Variants in TTLL5 observed in about 807,000 individuals in gnomAD.
TTLL5 encodes tubulin tyrosine ligase like 5, also known as tubulin polyglutamylase TTLL5.
Under a neutral mutation model 168.4 loss-of-function variants are expected in TTLL5, and 132 were observed. That is an observed-to-expected ratio of 0.78 (90% CI 0.68 to 0.91). TTLL5 has a LOEUF of 0.91. Among genes scored for constraint, TTLL5 ranks in the 40% least tolerant of loss-of-function variants. The pLI is 0.00. For missense variants in TTLL5, 1,545 were observed against 1,581.5 expected (o/e 0.98, Z 0.39); for synonymous variants, 546 against 558.6 (o/e 0.98, Z 0.32).
At chr14:75,914,052 A>ATATATATATATATATATATATTTATT (rs1304496430) in intron 31 of TTLL5, among the ~76,000 whole-genome samples, 1 of 122,400 alleles carries the variant, frequency 8.2e-6, no homozygotes, top group South Asian at 2.7e-4. Flanking sequence ...ATATATATAT[A>ATATATATATATATATATATATTTATT]TATTTTATCC....
intron 3 of TTLL5, among the ~76,000 whole-genome samples, chr14:75,675,934 A>T (rs749848447): frequency 1.3e-5 from 2 of 152,100 alleles, no homozygotes; most frequent in Non-Finnish European, 2.9e-5. Flanking sequence ...CAAGTTGGAG[A>T]CCCTGGGAAG....
intron 29 of TTLL5, among the ~76,000 whole-genome samples, chr14:75,872,949 T>G (rs1258081227): frequency 6.6e-6 from 1 of 151,914 alleles, no homozygotes; most frequent in African/African-American, 2.4e-5. Context: ...GTTGCTCTTA[T>G]AATTGTGTAT....
chr14:75,733,492 C>T (rs1435514873), intron 13 of TTLL5, among the ~76,000 whole-genome samples: 1 of 151,786 alleles, frequency 6.6e-6, no homozygotes, highest in Non-Finnish European at 1.5e-5. Flanking sequence ...TGCAAGCCTG[C>T]AAGCCTAAGA....
At chr14:75,800,205 A>G (rs1247796916) in intron 27 of TTLL5, among the ~76,000 whole-genome samples, 4 of 152,172 alleles carry the variant, frequency 2.6e-5, no homozygotes, top group African/African-American at 9.7e-5. Context: ...GGGTTAATCA[A>G]AAGCCTTGTC....
At chr14:75,899,996 G>A (rs1289324593) in intron 30 of TTLL5, among the ~76,000 whole-genome samples, 2 of 148,156 alleles carry the variant, frequency 1.3e-5, no homozygotes, top group Non-Finnish European at 3.0e-5. Flanking sequence ...CCAGCCCAGG[G>A]CTTTGCTCCA....
intron 28 of TTLL5, among the ~76,000 whole-genome samples, chr14:75,840,636 G>A (rs1896175395): frequency 6.6e-6 from 1 of 152,138 alleles, no homozygotes; most frequent in African/African-American, 2.4e-5. Flanking sequence ...TCAAAGGCTG[G>A]TTCCCACAAT....
chr14:75,862,938 C>G (rs1387682343), intron 28 of TTLL5, among the ~76,000 whole-genome samples: 1 of 152,060 alleles, frequency 6.6e-6, no homozygotes, highest in Non-Finnish European at 1.5e-5. Flanking sequence ...CAGATTGAGA[C>G]CCTGTCTCTA....
At chr14:75,886,731 T>C in intron 30 of TTLL5, 1 of 1,598,028 alleles carries the variant, frequency 6.3e-7, no homozygotes, top group Non-Finnish European at 8.5e-7. Context: ...TCAAAACTAT[T>C]TGTGGTATTT....
At chr14:75,783,005 A>G in intron 25 of TTLL5, 142 bp from the exon 26 acceptor site, 1 of 961,722 alleles carries the variant, frequency 1.0e-6, no homozygotes. Context: ...TATGATGAAC[A>G]CTCATTAAAG....
intron 28 of TTLL5, among the ~76,000 whole-genome samples, chr14:75,836,677 AC>A (rs1895885622): frequency 6.6e-6 from 1 of 152,178 alleles, no homozygotes; most frequent in Non-Finnish European, 1.5e-5. Flanking sequence ...ATAAGTATAT[AC>A]ACCTGCTATG....
intron 31 of TTLL5, among the ~76,000 whole-genome samples, chr14:75,928,893 A>G (rs2034176334): frequency 6.6e-6 from 1 of 152,174 alleles, no homozygotes; most frequent in African/African-American, 2.4e-5. Context: ...GGATTGTGAT[A>G]TGAAGTATTT....
At position 75,820,071 on chromosome 14, in the gene TTLL5, T is replaced by A; in HGVS notation, c.3236T>A (p.Leu1079His). 6.2e-7 allele frequency: 1 copy of A among 1,609,886 alleles called. No homozygotes were observed. The highest frequency in any genetic ancestry group is 8.5e-7 in the Non-Finnish European group (1 of 1,178,310). ...NRSSASAPPT[L>H]RPIISPSGPT... ...AGCAGTGCTTCAGCTCCCCCAACCC[T>A]CCGACCCATCATCAGTCCTAGTGGC... is the stretch of plus-strand genomic sequence containing the variant. Residue 1079 changes from leucine (L) to histidine (H), a missense_variant, in exon 28 of 32, where the codon CTC becomes CAC. Leu to His is a moderately conservative substitution (Grantham distance 99, BLOSUM62 -3). Coordinates refer to ENST00000298832, the MANE Select transcript of TTLL5 (RefSeq NM_015072.5).
intron 31 of TTLL5, chr14:75,902,467 G>C: frequency 1.5e-6 from 1 of 661,502 alleles, no homozygotes; most frequent in South Asian, 1.5e-5. Context: ...ATAAAATGCT[G>C]TCAGATTTGC....
chr14:75,953,836 A>G (rs1378913130), intron 31 of TTLL5, among the ~76,000 whole-genome samples: 1 of 152,194 alleles, frequency 6.6e-6, no homozygotes, highest in Non-Finnish European at 1.5e-5. Context: ...TTTTAATTTG[A>G]AAAGGGAAAG....
intron 29 of TTLL5, among the ~76,000 whole-genome samples, chr14:75,865,864 A>T (rs930779515): frequency 1.3e-5 from 2 of 152,250 alleles, no homozygotes; most frequent in East Asian, 3.8e-4. Context: ...GCGAGGAGGC[A>T]GAACTCCCAA....
At chr14:75,831,311 G>A (rs1291771728) in intron 28 of TTLL5, among the ~76,000 whole-genome samples, 1 of 152,204 alleles carries the variant, frequency 6.6e-6, no homozygotes, top group East Asian at 1.9e-4. Context: ...TTGTGGTCCT[G>A]GAAGGGGAAT....
intron 31 of TTLL5, among the ~76,000 whole-genome samples, chr14:75,926,043 AGAGAGG>A (rs922718963): frequency 2.0e-5 from 3 of 147,604 alleles, no homozygotes; most frequent in East Asian, 2.0e-4. Flanking sequence ...GACCGGGGAA[AGAGAGG>A]GAGAGGGAGA....
rs1361233135 is a variant in TTLL5 at position 75,731,466 on chromosome 14, A to G, written c.1043-872A>G. Among the ~76,000 whole-genome samples, 3 of 151,930 alleles carry G rather than the reference A, an allele frequency of 2.0e-5. No individual in the cohort carries two copies. The East Asian group carries it at 5.8e-4, about 29-fold the overall frequency. On this transcript the variant is annotated intron_variant, in intron 12 of 31. Transcript: ENST00000298832. ...GATTTTTGTAGAGGAAGTCTCAGTA[A>G]TAATAAGAAGGGTTTCAAAGTTAAC...
At chr14:75,687,292 G>A (rs1348168209) in intron 5 of TTLL5, among the ~76,000 whole-genome samples, 1 of 152,050 alleles carries the variant, frequency 6.6e-6, no homozygotes, top group Non-Finnish European at 1.5e-5. Flanking sequence ...TTTTTTTGTG[G>A]GGGGACAGTT....
Sources: gnomAD v4.1 joint callset for allele counts (sites outside exome capture counted in the v4.1 genomes callset) on GRCh38, gnomAD v4.1.1 for gene constraint, MANE v1.5 for transcripts, NCBI Gene and HGNC (gene_info 2026-07-23, HGNC 2026-07-21) for gene names.